Variants in TENM2 observed in about 807,000 individuals in gnomAD.
TENM2 encodes the protein teneurin-2.
Under a neutral mutation model 245.2 loss-of-function variants are expected in TENM2, and 52 were observed. That is an observed-to-expected ratio of 0.21 (90% confidence interval 0.17 to 0.27). The LOEUF (loss-of-function observed/expected upper bound fraction) is 0.27. TENM2 is among the 10% of genes least tolerant of loss of function. The pLI is 1.00. For missense variants in TENM2, 3,046 were observed against 3,666.8 expected (o/e 0.83, Z 4.37); for synonymous variants, 1,363 against 1,438.9 (o/e 0.95, Z 1.19).
chr5:167,612,516 G>C (rs576433132), intron 2 of TENM2, among the ~76,000 whole-genome samples: 34 of 152,050 alleles, frequency 2.2e-4, no homozygotes, highest in African/African-American at 8.0e-4. Flanking sequence ...GTGGCTTGGT[G>C]GCATATGATA....
intron 2 of TENM2, among the ~76,000 whole-genome samples, chr5:167,743,529 T>C (rs1051155940): frequency 1.3e-5 from 2 of 152,232 alleles, no homozygotes; most frequent in Non-Finnish European, 2.9e-5. Context: ...AAGCAGTCTT[T>C]TCTTTTTCTT....
chr5:167,242,193 G>A, the TENM2 span, among the ~76,000 whole-genome samples: 1 of 150,840 alleles, frequency 6.6e-6, no homozygotes, highest in Non-Finnish European at 1.5e-5. Context: ...AGAATTACAG[G>A]CACATACCAC....
chr5:167,124,210 C>G, the TENM2 span, among the ~76,000 whole-genome samples: 1 of 152,132 alleles, frequency 6.6e-6, no homozygotes, highest in African/African-American at 2.4e-5. Flanking sequence ...TACTTCTCAG[C>G]TTTAAAATTC....
rs78136336 is a variant in TENM2, at chr5:167,395,548, G to C, written c.502+20075G>C. 5.5e-3 allele frequency among the ~76,000 whole-genome samples: 843 copies of C among 152,182 alleles called. 10 individuals are homozygous for C. The highest frequency in any genetic ancestry group is 0.02 in the African/African-American group (811 of 41,542). On this transcript the variant is annotated intron_variant, in intron 2 of 28. Coordinates refer to ENST00000518659, the Ensembl canonical transcript of TENM2. ...TCTCGGCATTATGTTGAATAGAAAT[G>C]GTAAGAGCATGTATCCTTGTCGTGT...
exon 29 of TENM2, chr5:168,262,702 G>A (rs367963174): frequency 6.2e-7 from 1 of 1,610,850 alleles, no homozygotes; most frequent in Non-Finnish European, 8.5e-7. Flanking sequence ...CCGGGCGCGT[G>A]CAAGGGTACG....
the TENM2 span, among the ~76,000 whole-genome samples, chr5:167,246,074 C>T: frequency 6.6e-6 from 1 of 152,228 alleles, no homozygotes; most frequent in South Asian, 2.1e-4. Flanking sequence ...GAGTGAGTAA[C>T]CAATGGGCTG....
chr5:167,746,763 A>T (rs538664939), intron 2 of TENM2, among the ~76,000 whole-genome samples: 16 of 150,874 alleles, frequency 1.1e-4, no homozygotes, highest in Non-Finnish European at 1.9e-4. Context: ...TTCAGTGGAA[A>T]CATTTTGGAA....
At chr5:167,841,962 T>G (rs1054019426) in intron 2 of TENM2, among the ~76,000 whole-genome samples, 1 of 152,126 alleles carries the variant, frequency 6.6e-6, no homozygotes, top group Non-Finnish European at 1.5e-5. Flanking sequence ...TTTGTCTCTC[T>G]CTATATATAC....
intron 4 of TENM2, among the ~76,000 whole-genome samples, chr5:167,976,091 G>A (rs191955999): frequency 2.4e-3 from 364 of 152,220 alleles, no homozygotes; most frequent in Non-Finnish European, 4.1e-3. Flanking sequence ...TACTTAGTCT[G>A]TCCCCTTTAA....
intron 2 of TENM2, among the ~76,000 whole-genome samples, chr5:167,438,848 C>T (rs1764725204): frequency 6.6e-6 from 1 of 152,156 alleles, no homozygotes; most frequent in South Asian, 2.1e-4. Flanking sequence ...GACTGGAGTG[C>T]AATGGCACGA....
the TENM2 span, among the ~76,000 whole-genome samples, chr5:167,161,061 G>A: frequency 1.3e-5 from 2 of 152,308 alleles, no homozygotes; most frequent in African/African-American, 4.8e-5. Context: ...AGAATAAAAA[G>A]GTATGTGTGT....
At chr5:167,570,371 A>AAGAAGGTGATTCTGGCTTG (rs11272421) in intron 2 of TENM2, among the ~76,000 whole-genome samples, 117,101 of 151,480 alleles carry the variant, frequency 0.77, 45,885 homozygotes, top group East Asian at 0.92. Flanking sequence ...GTGGCATTTT[A>AAGAAGGTGATTCTGGCTTG]AGAAGGATGA....
intron 5 of TENM2, among the ~76,000 whole-genome samples, chr5:168,027,056 C>T (rs1241535882): frequency 6.6e-6 from 1 of 152,062 alleles, no homozygotes; most frequent in East Asian, 1.9e-4. Context: ...ATAATCCCTC[C>T]ACATGGACTA....
At chr5:167,547,743 T>C (rs1772662255) in intron 2 of TENM2, among the ~76,000 whole-genome samples, 1 of 152,312 alleles carries the variant, frequency 6.6e-6, no homozygotes, top group East Asian at 1.9e-4. Context: ...CCCTAAGAAC[T>C]GAAGATGTCA....
the TENM2 span, among the ~76,000 whole-genome samples, chr5:167,087,600 G>A: frequency 2.0e-5 from 3 of 152,092 alleles, no homozygotes; most frequent in Non-Finnish European, 2.9e-5. Flanking sequence ...CATACAATAG[G>A]TGCTCAGTTA....
intron 3 of TENM2, among the ~76,000 whole-genome samples, chr5:167,896,517 G>A (rs952779602): frequency 3.3e-5 from 5 of 152,180 alleles, no homozygotes; most frequent in Admixed American, 6.6e-5. Flanking sequence ...AAATAACTTT[G>A]CAACCCTACT....
the TENM2 span, among the ~76,000 whole-genome samples, chr5:167,029,909 A>G: frequency 2.0e-5 from 3 of 152,180 alleles, no homozygotes; most frequent in Non-Finnish European, 2.9e-5. Context: ...TTGCTTGCAA[A>G]CCACCTGAGT....
chr5:167,179,948 G>C, the TENM2 span, among the ~76,000 whole-genome samples: 3 of 152,282 alleles, frequency 2.0e-5, no homozygotes, highest in Non-Finnish European at 4.4e-5. Flanking sequence ...CAGAGCAGAC[G>C]TGGAGGATAT....
At chr5:167,042,534 GA>G in the TENM2 span, among the ~76,000 whole-genome samples, 1 of 152,120 alleles carries the variant, frequency 6.6e-6, no homozygotes, top group Non-Finnish European at 1.5e-5. Flanking sequence ...ATTTTGGGGG[GA>G]AACTTAGAAC....
Sources: gnomAD v4.1 joint callset for allele counts (sites outside exome capture counted in the v4.1 genomes callset) on GRCh38, gnomAD v4.1.1 for gene constraint, MANE v1.5 for transcripts, NCBI Gene and HGNC (gene_info 2026-07-23, HGNC 2026-07-21) for gene names.